FRMPD2: variants seen among roughly 807,000 people sequenced by gnomAD.
FRMPD2 encodes the protein FERM and PDZ domain-containing protein 2.
Under a neutral mutation model 140.1 loss-of-function variants are expected in FRMPD2, and 96 were observed. The ratio of observed to expected loss-of-function variants is 0.69; its 90% CI spans 0.58 to 0.81. FRMPD2 has a LOEUF of 0.81. Among genes scored for constraint, FRMPD2 ranks in the 40% least tolerant of loss-of-function variants. FRMPD2 has a pLI of 0.00. For missense variants in FRMPD2, 1,240 were observed against 1,447.4 expected, an observed-to-expected ratio of 0.86 and a Z score of 2.32; for synonymous variants, 449 against 547.6, an observed-to-expected ratio of 0.82 and a Z score of 2.52.
chr10:48,274,142 G>A (rs191053829), intron 1 of FRMPD2, among the ~76,000 whole-genome samples: 4 of 152,282 alleles, frequency 2.6e-5, no homozygotes, highest in Admixed American at 2.6e-4. Context: ...AGTGCCTTAC[G>A]CGTGTCACCC....
intron 3 of FRMPD2, among the ~76,000 whole-genome samples, chr10:48,246,307 G>A (rs1416280183): frequency 6.6e-6 from 1 of 152,232 alleles, no homozygotes; most frequent in Admixed American, 6.5e-5. Flanking sequence ...ACTGCCAGAG[G>A]CACCACCCAC....
intron 13 of FRMPD2, among the ~76,000 whole-genome samples, chr10:48,209,609 G>T (rs1201609689): frequency 6.6e-6 from 1 of 152,192 alleles, no homozygotes; most frequent in Non-Finnish European, 1.5e-5. Context: ...CTCTGTGATG[G>T]GCACTGAGGA....
chr10:48,179,960 A>G (rs1588808799), intron 21 of FRMPD2, among the ~76,000 whole-genome samples: 1 of 152,264 alleles, frequency 6.6e-6, no homozygotes, highest in African/African-American at 2.4e-5. Context: ...GGCTGGAAAC[A>G]CTGGGTGCTG....
chr10:48,181,949 A>C (rs1396249326), intron 20 of FRMPD2, among the ~76,000 whole-genome samples: 2 of 144,962 alleles, frequency 1.4e-5, no homozygotes, highest in Non-Finnish European at 3.0e-5. Context: ...AGCCTCAATA[A>C]ATGTATCTAC....
chr10:48,260,395 A>G (rs1840564765), intron 1 of FRMPD2, among the ~76,000 whole-genome samples: 1 of 152,156 alleles, frequency 6.6e-6, no homozygotes, highest in African/African-American at 2.4e-5. Flanking sequence ...AGATGAGATG[A>G]GATGTCCCAG....
At chr10:48,185,693 T>C (rs770942898) in intron 17 of FRMPD2, 48 bp from the exon 18 acceptor site, 1 of 1,423,666 alleles carries the variant, frequency 7.0e-7, no homozygotes, top group Admixed American at 1.7e-5. Context: ...CCCAAATTAT[T>C]TGGGAGCTAA....
intron 2 of FRMPD2, 114 bp downstream of exon 2, chr10:48,251,452 G>A (rs1409099128): frequency 6.0e-5 from 78 of 1,307,922 alleles, no homozygotes; most frequent in Non-Finnish European, 8.1e-5. Context: ...CAGCAACCTT[G>A]TTCTGTGCTC....
At chr10:48,183,055 A>G (rs908022600) in intron 20 of FRMPD2, among the ~76,000 whole-genome samples, 1 of 152,212 alleles carries the variant, frequency 6.6e-6, no homozygotes, top group African/African-American at 2.4e-5. Flanking sequence ...GCCACCTTCC[A>G]CCACCCATAG....
At chr10:48,246,963 A>G (rs1400695033) in intron 3 of FRMPD2, among the ~76,000 whole-genome samples, 2 of 152,180 alleles carry the variant, frequency 1.3e-5, no homozygotes, top group Non-Finnish European at 2.9e-5. Context: ...AGCCCACTCC[A>G]CTTGCCATGC....
intron 8 of FRMPD2, among the ~76,000 whole-genome samples, chr10:48,237,785 A>C (rs964550499): frequency 2.0e-5 from 3 of 152,112 alleles, no homozygotes; most frequent in Non-Finnish European, 2.9e-5. Flanking sequence ...AGCGTCCCCC[A>C]TAGAGCCTTC....
intron 11 of FRMPD2, 46 bp from the exon 12 acceptor site, chr10:48,222,497 G>C: frequency 6.2e-7 from 1 of 1,604,048 alleles, no homozygotes; most frequent in South Asian, 1.1e-5. Context: ...CTAAGGGAAA[G>C]GGAGAATGTT....
chr10:48,220,191 C>A (rs545198009), intron 12 of FRMPD2, among the ~76,000 whole-genome samples: 20 of 152,094 alleles, frequency 1.3e-4, no homozygotes, highest in Non-Finnish European at 2.1e-4. Context: ...CAAACTACAC[C>A]ATAAGGCCAT....
chr10:48,253,524 G>A (rs1840431772), intron 1 of FRMPD2, among the ~76,000 whole-genome samples: 1 of 152,100 alleles, frequency 6.6e-6, no homozygotes, highest in Admixed American at 6.5e-5. Flanking sequence ...TAGGCACAAA[G>A]CAGTTAGAAA....
rs575576014 is a variant in FRMPD2 at position 48,250,773 on chromosome 10, T to G, written c.151+793A>C. ...AATTCTTTCTATTAACCTCCCCTGT[T>G]TAGAACACAGAGTAGGTCTGCCTTT... On this transcript the variant is annotated intron_variant, in intron 2 of 28. Transcript: ENST00000374201. Among the ~76,000 whole-genome samples the G allele has an allele frequency of 4.0e-5, 6 of 151,752 alleles. No homozygotes were observed. In the South Asian group the frequency reaches 1.0e-3, roughly 26 times the overall value.
Position 48,239,653 on chromosome 10 carries a change from G to C in FRMPD2, c.740C>G (p.Pro247Arg). Residue 247 changes from proline (P) to arginine (R), a missense_variant, in exon 7 of 29, where the codon CCC (proline) becomes CGC (arginine). Transcript: ENST00000374201. ...ACTGTGTGTCAAGGTGCTCCAATGGGGCTCTGGTGAGCTCTGGGTCTCCGT... is the reference window on the plus strand; with the variant it reads ...ACTGTGTGTCAAGGTGCTCCAATGGCGCTCTGGTGAGCTCTGGGTCTCCGT... ...RSTETQSSPE[P>R]HWSTLTHSHC... 1 of 1,614,066 alleles carries C rather than the reference G, an allele frequency of 6.2e-7. No individual in the cohort carries two copies. The highest frequency in any genetic ancestry group is 1.1e-5 in the South Asian group (1 of 91,066).
Position 48,222,303 on chromosome 10 carries a change from T to C in FRMPD2, c.1455+10A>G, listed in dbSNP as rs748480790. On this transcript the variant is annotated intron_variant, in intron 12 of 28. Transcript: ENST00000374201. The stretch of plus-strand genomic sequence containing the variant: ...GACCCCACACAAAGGCCCCTGGTGT[T>C]CACCCCTACCTCCTTAGGGTAATTG... 1.2e-6 allele frequency: 2 copies of C among 1,612,018 alleles called. No homozygotes were observed. Among genetic ancestry groups the C allele is most frequent in the East Asian group, 2.2e-5 (1 of 44,848 alleles).
chr10:48,217,408 A>G (rs1308670912), intron 12 of FRMPD2, among the ~76,000 whole-genome samples: 1 of 152,224 alleles, frequency 6.6e-6, no homozygotes, highest in Non-Finnish European at 1.5e-5. Context: ...AGGGACTTTG[A>G]AGACCCCAGG....
At chr10:48,183,680 G>A (rs1018849557) in intron 20 of FRMPD2, among the ~76,000 whole-genome samples, 4 of 151,440 alleles carry the variant, frequency 2.6e-5, no homozygotes, top group Non-Finnish European at 5.9e-5. Context: ...TTGAAACCCC[G>A]TCTCTACTAA....
chr10:48,193,903 C>A (rs895387320), intron 15 of FRMPD2, among the ~76,000 whole-genome samples: 1 of 152,160 alleles, frequency 6.6e-6, no homozygotes, highest in Admixed American at 6.5e-5. Flanking sequence ...ACTGAAAAAG[C>A]CAGCCTTTTA....
Sources: gnomAD v4.1 joint callset for allele counts (sites outside exome capture counted in the v4.1 genomes callset) on GRCh38, gnomAD v4.1.1 for gene constraint, MANE v1.5 for transcripts, NCBI Gene and HGNC (gene_info 2026-07-23, HGNC 2026-07-21) for gene names.